Variants in FOXJ3 observed in about 807,000 individuals in gnomAD.
The protein encoded by FOXJ3 is forkhead box protein J3.
In FOXJ3, 22 loss-of-function variants were observed where a neutral mutation model predicts 76.1. The ratio of observed to expected loss-of-function variants is 0.29; its 90% confidence interval spans 0.21 to 0.41. The LOEUF (loss-of-function observed/expected upper bound fraction) is 0.41, where lower values mean the gene tolerates loss of function less well. Among genes scored for constraint, FOXJ3 ranks in the 10% least tolerant of loss-of-function variants. The pLI is 1.00. For missense variants in FOXJ3, 613 were observed against 762.1 expected, an observed-to-expected ratio of 0.80 and a Z score of 2.30; for synonymous variants, 269 against 261.2, an observed-to-expected ratio of 1.03 and a Z score of -0.29.
chr1:42,237,502 TG>T (rs1480810691), intron 4 of FOXJ3, among the ~76,000 whole-genome samples: 1 of 149,126 alleles, frequency 6.7e-6, no homozygotes. Flanking sequence ...GGGCTATTTC[TG>T]TTATTAGACT....
chr1:42,193,583 G>A (rs1019326490), intron 8 of FOXJ3, among the ~76,000 whole-genome samples: 23 of 151,932 alleles, frequency 1.5e-4, no homozygotes, highest in Admixed American at 6.6e-5. Context: ...GAAAACATAT[G>A]AATCTTACTT....
chr1:42,293,336 A>G (rs6690074), intron 2 of FOXJ3, among the ~76,000 whole-genome samples: 4,873 of 152,168 alleles, frequency 0.032, 264 homozygotes, highest in African/African-American at 0.11. Flanking sequence ...CTCAATAATT[A>G]GAAGACAAAC....
chr1:42,296,506 C>A (rs2094489), intron 2 of FOXJ3, among the ~76,000 whole-genome samples: 111,443 of 152,164 alleles, frequency 0.73, 41,012 homozygotes, highest in Admixed American at 0.81. Flanking sequence ...GTCCAGTTTC[C>A]TTCTTTTGCA....
chr1:42,241,686 C>T (rs1021113369), intron 4 of FOXJ3, among the ~76,000 whole-genome samples: 1 of 152,204 alleles, frequency 6.6e-6, no homozygotes, highest in Non-Finnish European at 1.5e-5. Flanking sequence ...CATACCACTT[C>T]GGATCCCAAG....
intron 5 of FOXJ3, among the ~76,000 whole-genome samples, chr1:42,211,967 G>A (rs1049071629): frequency 6.6e-6 from 1 of 152,180 alleles, no homozygotes; most frequent in Non-Finnish European, 1.5e-5. Context: ...AAAACAATTA[G>A]AAGTGTCTGG....
Position 42,265,209 on chromosome 1 carries a change from G to C in FOXJ3, c.370-20C>G. On this transcript the variant is annotated intron_variant, in intron 3 of 12. Transcript: ENST00000361346. ...GGAATTCTGGAATTAAAGAAGAAAA[G>C]CCATAAGGTCAATAAAATCCAAAAA... 3 of 1,396,292 alleles carry C rather than the reference G, an allele frequency of 2.1e-6. No individual in the cohort carries two copies. Among genetic ancestry groups the C allele is most frequent in the Non-Finnish European group, 3.0e-6 (3 of 1,009,558 alleles). The allele number at this position is 1,396,292 out of a possible 1,614,324, so 86.5% of individuals were successfully genotyped here. A position where few individuals can be genotyped will look rare whatever the true frequency, so the allele number is the denominator to read the frequency against.
intron 12 of FOXJ3, 90 bp downstream of exon 12, chr1:42,181,827 A>ACT (rs552236859): frequency 1.3e-5 from 10 of 762,310 alleles, no homozygotes; most frequent in African/African-American, 3.5e-5. Context: ...ACACACACAC[A>ACT]CTCTCTCTCT....
At chr1:42,300,884 GT>G (rs1654101388) in intron 2 of FOXJ3, among the ~76,000 whole-genome samples, 1 of 152,192 alleles carries the variant, frequency 6.6e-6, no homozygotes, top group African/African-American at 2.4e-5. Context: ...GAAGTTTGGT[GT>G]TAGTTTGATG....
chr1:42,251,327 G>A (rs1478542615), intron 4 of FOXJ3, among the ~76,000 whole-genome samples: 1 of 152,116 alleles, frequency 6.6e-6, no homozygotes, highest in Non-Finnish European at 1.5e-5. Context: ...GGACAAGTGG[G>A]AATACCCTGC....
In FOXJ3 at chr1:42,188,897, G is replaced by T; in HGVS notation, c.1485C>A (p.Leu495=). 6.2e-7 allele frequency: 1 copy of T among 1,611,604 alleles called. No homozygotes were observed. The change falls in exon 11 of 13, where the codon CTC becomes CTA. Residue 495 remains leucine (L), a synonymous_variant. Coordinates refer to ENST00000361346, the MANE Select transcript of FOXJ3 (RefSeq NM_014947.5). ...GAACCTGGTCTAAAGACCAGTTCTTGAGATCTGCCTGTCTCATACTCTCCA... is the reference window on the plus strand; with the variant it reads ...GAACCTGGTCTAAAGACCAGTTCTTTAGATCTGCCTGTCTCATACTCTCCA... ...GLMESMRQAD[L]KNWSLDQVQF... is the part of the protein sequence containing the mutation.
chr1:42,209,969 T>C (rs1646934530), intron 5 of FOXJ3, among the ~76,000 whole-genome samples: 2 of 152,122 alleles, frequency 1.3e-5, no homozygotes, highest in East Asian at 1.9e-4. Context: ...GCCTGAAAAC[T>C]GTGGTTTCTG....
intron 1 of FOXJ3, among the ~76,000 whole-genome samples, chr1:42,313,811 G>GA (rs1340327699): frequency 1.3e-5 from 2 of 151,800 alleles, no homozygotes; most frequent in Admixed American, 6.6e-5. Flanking sequence ...TTATTTAAAA[G>GA]AAAAAAAATT....
At chr1:42,269,309 A>G (rs1423710974) in intron 3 of FOXJ3, among the ~76,000 whole-genome samples, 1 of 152,188 alleles carries the variant, frequency 6.6e-6, no homozygotes, top group Non-Finnish European at 1.5e-5. Context: ...AGATGAGGGG[A>G]AAATACAAAT....
chr1:42,206,277 CCAACAGGATGT>C (rs1196121969), intron 5 of FOXJ3, among the ~76,000 whole-genome samples: 1 of 152,184 alleles, frequency 6.6e-6, no homozygotes, highest in Non-Finnish European at 1.5e-5. Context: ...TACGGTGTGA[CCAACAGGATGT>C]GAGCAGGAGT....
intron 6 of FOXJ3, among the ~76,000 whole-genome samples, chr1:42,201,963 T>G (rs1327723702): frequency 2.0e-5 from 3 of 152,182 alleles, no homozygotes; most frequent in African/African-American, 2.4e-5. Context: ...ATTTTGTCTA[T>G]TTCATCTAAA....
chr1:42,300,875 A>G (rs904192446), intron 2 of FOXJ3, among the ~76,000 whole-genome samples: 1 of 152,116 alleles, frequency 6.6e-6, no homozygotes, highest in African/African-American at 2.4e-5. Context: ...TTCTGCTGAG[A>G]AGTTTGGTGT....
chr1:42,319,293 T>G (rs1041408559), intron 1 of FOXJ3, among the ~76,000 whole-genome samples: 5 of 152,200 alleles, frequency 3.3e-5, no homozygotes, highest in Non-Finnish European at 7.3e-5. Context: ...TGAATGGATG[T>G]GTTATATCCA....
At chr1:42,273,547 C>T (rs947664696) in intron 3 of FOXJ3, among the ~76,000 whole-genome samples, 5 of 151,802 alleles carry the variant, frequency 3.3e-5, no homozygotes, top group East Asian at 2.0e-4. Context: ...TAGTGGCATG[C>T]GCCTATAGTC....
At chr1:42,293,021 A>G (rs1051950804) in intron 2 of FOXJ3, among the ~76,000 whole-genome samples, 2 of 152,150 alleles carry the variant, frequency 1.3e-5, no homozygotes, top group Non-Finnish European at 2.9e-5. Context: ...CGATTGCTTG[A>G]GCCTGGAAGG....
Sources: allele counts gnomAD v4.1 joint callset (sites outside exome capture counted in the v4.1 genomes callset), GRCh38; gene constraint gnomAD v4.1.1; transcripts MANE v1.5; gene names NCBI Gene and HGNC (gene_info 2026-07-23, HGNC 2026-07-21).